The following CPNE4 variants were observed in gnomAD, a reference collection of about 807,000 sequenced individuals.
The protein encoded by CPNE4 is copine-4.
CPNE4 carries 25 observed loss-of-function variants against 67.9 expected under a neutral mutation model. The ratio of observed to expected loss-of-function variants is 0.37; its 90% CI spans 0.27 to 0.51. CPNE4 has a LOEUF of 0.51. CPNE4 is among the 20% of genes least tolerant of loss of function. The pLI is 0.93. For missense variants in CPNE4, 464 were observed against 690.8 expected (o/e 0.67, Z 3.68); for synonymous variants, 242 against 244.9 (o/e 0.99, Z 0.11).
intron 2 of CPNE4, among the ~76,000 whole-genome samples, chr3:131,741,531 T>G (rs1449093410): frequency 6.6e-6 from 1 of 152,112 alleles, no homozygotes; most frequent in Non-Finnish European, 1.5e-5. Context: ...GGCAAGGTAT[T>G]TCAAAGTTCT....
At chr3:131,815,830 A>AG (rs1445821394) in intron 2 of CPNE4, among the ~76,000 whole-genome samples, 1 of 152,096 alleles carries the variant, frequency 6.6e-6, no homozygotes, top group African/African-American at 2.4e-5. Flanking sequence ...TCTGGGTATC[A>AG]GCAGAGGGGT....
chr3:131,852,836 TTAA>T (rs1013313247), intron 2 of CPNE4, among the ~76,000 whole-genome samples: 1 of 151,538 alleles, frequency 6.6e-6, no homozygotes, highest in African/African-American at 2.4e-5. Flanking sequence ...ATTTTTGTTT[TTAA>T]TAATAATACA....
At chr3:131,673,677 A>T (rs1044744868) in intron 6 of CPNE4, among the ~76,000 whole-genome samples, 2 of 152,040 alleles carry the variant, frequency 1.3e-5, no homozygotes, top group Non-Finnish European at 2.9e-5. Flanking sequence ...TGTATCTGCA[A>T]CTTTGCTGAG....
At position 131,610,703 on chromosome 3, in the gene CPNE4, G is replaced by A. The variant is rs187895628; in HGVS notation, c.682-23121C>T. Among the ~76,000 whole-genome samples, 16 of 152,138 alleles carry A rather than the reference G, an allele frequency of 1.1e-4. No homozygotes were observed. In the East Asian group the frequency reaches 1.4e-3, roughly 13 times the overall value. ...GTCCTAATTTTCCACTCTCCTATCCGTTATTTCTGGAAACACTTTCACATG... is the reference window on the plus strand; with the variant it reads ...GTCCTAATTTTCCACTCTCCTATCCATTATTTCTGGAAACACTTTCACATG... On this transcript the variant is annotated intron_variant, in intron 7 of 15. Coordinates refer to ENST00000429747, the MANE Select transcript of CPNE4 (RefSeq NM_130808.3).
At chr3:131,958,687 C>T (rs1164703750) in intron 1 of CPNE4, among the ~76,000 whole-genome samples, 2 of 137,572 alleles carry the variant, frequency 1.5e-5, no homozygotes, top group Admixed American at 7.5e-5. Context: ...CACAATGGCA[C>T]GATCTTGGCT....
chr3:131,944,694 T>C (rs1029217776), intron 1 of CPNE4, among the ~76,000 whole-genome samples: 28 of 133,052 alleles, frequency 2.1e-4, no homozygotes, highest in Non-Finnish European at 1.1e-4. Flanking sequence ...AGTGGCGAGA[T>C]TTAAATAAAA....
chr3:131,888,438 C>T (rs939452515), intron 2 of CPNE4, among the ~76,000 whole-genome samples: 3 of 151,640 alleles, frequency 2.0e-5, no homozygotes, highest in East Asian at 1.9e-4. Context: ...ACTACTCCGA[C>T]GAAAAGGAGC....
rs185755672 is a variant in CPNE4 at position 131,750,982 on chromosome 3, T to C, written c.181-27357A>G. Among the ~76,000 whole-genome samples, 11 of 152,296 alleles carry C rather than the reference T, an allele frequency of 7.2e-5. 1 individual carries two copies. Among genetic ancestry groups the C allele is most frequent in the Admixed American group, 2.0e-4 (3 of 15,284 alleles). ...GAAAAATATTATGCCCCTTCCTTCT[T>C]TCTTCTATGTCTTTTGATGAGAAAT... On this transcript the variant is annotated intron_variant, in intron 2 of 15. Transcript: ENST00000429747.
chr3:131,724,652 G>A (rs146034363), intron 2 of CPNE4, among the ~76,000 whole-genome samples: 47 of 152,210 alleles, frequency 3.1e-4, no homozygotes, highest in African/African-American at 1.0e-3. Context: ...TTCTGCACAG[G>A]GAGCTTTTGC....
intron 4 of CPNE4, among the ~76,000 whole-genome samples, chr3:131,697,343 G>T (rs185891791): frequency 6.6e-6 from 1 of 152,296 alleles, no homozygotes; most frequent in African/African-American, 2.4e-5. Context: ...TCAAGTTGCA[G>T]ATAAGTTAAA....
chr3:131,620,088 C>T (rs1940382057), intron 7 of CPNE4, among the ~76,000 whole-genome samples: 1 of 152,168 alleles, frequency 6.6e-6, no homozygotes, highest in South Asian at 2.1e-4. Context: ...CGGGTGTGAG[C>T]ATCCCAGGAG....
At chr3:131,753,025 A>G (rs1244875666) in intron 2 of CPNE4, among the ~76,000 whole-genome samples, 2 of 151,512 alleles carry the variant, frequency 1.3e-5, no homozygotes, top group African/African-American at 4.8e-5. Flanking sequence ...TATAAATTGT[A>G]TATAAAATAT....
chr3:131,754,708 G>A (rs773798979), intron 2 of CPNE4, among the ~76,000 whole-genome samples: 1 of 152,134 alleles, frequency 6.6e-6, no homozygotes, highest in Non-Finnish European at 1.5e-5. Flanking sequence ...AGTTGAAGTT[G>A]TATAAATCAG....
chr3:131,974,892 C>T (rs2072605350), intron 1 of CPNE4, among the ~76,000 whole-genome samples: 2 of 152,054 alleles, frequency 1.3e-5, no homozygotes, highest in South Asian at 4.1e-4. Context: ...CCTGTAGTCC[C>T]AGCTGCTCGG....
At chr3:131,553,429 C>A (rs1936293237) in intron 12 of CPNE4, among the ~76,000 whole-genome samples, 1 of 152,038 alleles carries the variant, frequency 6.6e-6, no homozygotes, top group Non-Finnish European at 1.5e-5. Context: ...TCTTGGCCTC[C>A]AGGGCCTGCC....
At chr3:131,609,988 A>C (rs1939738652) in intron 7 of CPNE4, among the ~76,000 whole-genome samples, 1 of 152,176 alleles carries the variant, frequency 6.6e-6, no homozygotes, top group Non-Finnish European at 1.5e-5. Flanking sequence ...GAATGAGTAA[A>C]GTAGGTTTGC....
At chr3:131,622,018 C>CAAAAAAAAAAAAAAAAAAAAAAA (rs34415771) in intron 7 of CPNE4, among the ~76,000 whole-genome samples, 5 of 58,012 alleles carry the variant, frequency 8.6e-5, no homozygotes, top group Non-Finnish European at 1.6e-4. Flanking sequence ...GACCCTGTCT[C>CAAAAAAAAAAAAAAAAAAAAAAA]AAAAAAAAAA....
At chr3:131,685,165 A>G (rs1315910807) in intron 6 of CPNE4, among the ~76,000 whole-genome samples, 1 of 148,624 alleles carries the variant, frequency 6.7e-6, no homozygotes, top group Non-Finnish European at 1.5e-5. Context: ...CAGTTTCTTC[A>G]ACTGTAAAAT....
chr3:132,038,378 A>T (rs1018919069), upstream of CPNE4, among the ~76,000 whole-genome samples: 3 of 139,670 alleles, frequency 2.1e-5, no homozygotes, highest in Non-Finnish European at 3.2e-5. Context: ...TGGTGCCTCT[A>T]ACATTGGGTA....
Sources: gnomAD v4.1 joint callset for allele counts (sites outside exome capture counted in the v4.1 genomes callset) on GRCh38, gnomAD v4.1.1 for gene constraint, MANE v1.5 for transcripts, NCBI Gene and HGNC (gene_info 2026-07-23, HGNC 2026-07-21) for gene names.